ACSL1: variants seen among roughly 807,000 people sequenced by gnomAD.
ACSL1 encodes long-chain-fatty-acid--CoA ligase 1.
ACSL1 carries 41 observed loss-of-function variants against 98.4 expected under a neutral mutation model. The observed-to-expected ratio is 0.42, with a 90% CI of 0.32 to 0.54. The LOEUF is 0.54. Among genes scored for constraint, ACSL1 ranks in the 20% least tolerant of loss-of-function variants. ACSL1 has a pLI of 0.13. For synonymous variants in ACSL1, 316 were observed against 322.7 expected (o/e 0.98, Z 0.22); for missense variants, 734 against 883.1 (o/e 0.83, Z 2.14).
Position 184,766,483 on chromosome 4 carries a change from TA to T in ACSL1, c.1263+138del. On this transcript the variant is annotated intron_variant, in intron 13 of 20. Transcript: ENST00000281455. The surrounding 1 kb of genome is among the most constrained non-coding windows in gnomAD (Gnocchi z 4.8). ...TCCTTAATGGCTTTGCCTTAGTTTT[TA>T]AATGTGTGCCAGAATTAACAAAAAC... 1 of 1,250,864 alleles carries T rather than the reference TA, an allele frequency of 8.0e-7. No homozygotes were observed. Among genetic ancestry groups the T allele is most frequent in the South Asian group, 1.5e-5 (1 of 65,462 alleles). The allele number at this position is 1,250,864 out of a possible 1,614,324, so 77.5% of individuals were successfully genotyped here.
In ACSL1 at chr4:184,803,303, C is replaced by G. The variant is rs142926085; in HGVS notation, c.195+17G>C. On this transcript the variant is annotated intron_variant, in intron 2 of 20. Coordinates refer to ENST00000281455, the MANE Select transcript of ACSL1 (RefSeq NM_001995.5). This position sits in a 1 kb window ranked among gnomAD's most constrained non-coding sequence, Gnocchi z 4.8. Reference sequence around the variant, plus strand: ...ATGCGGAGAAAACGCACGAGGCAGGCTGGGCCCTCCACTCACCGCCACTTC... The same window carrying G: ...ATGCGGAGAAAACGCACGAGGCAGGGTGGGCCCTCCACTCACCGCCACTTC... 17,313 of 1,542,858 alleles carry G rather than the reference C, an allele frequency of 0.011. 113 individuals are homozygous for G. Among genetic ancestry groups the G allele is most frequent in the Non-Finnish European group, 0.012 (14,164 of 1,141,520 alleles).
At chr4:184,817,802 G>T (rs1345315664) in intron 1 of ACSL1, among the ~76,000 whole-genome samples, 2 of 152,152 alleles carry the variant, frequency 1.3e-5, no homozygotes, top group Non-Finnish European at 2.9e-5. Flanking sequence ...TGAAGAGACT[G>T]AGCCGGCCTC....
chr4:184,810,807 T>C (rs1771983448), intron 1 of ACSL1, among the ~76,000 whole-genome samples: 1 of 152,182 alleles, frequency 6.6e-6, no homozygotes, highest in South Asian at 2.1e-4. Flanking sequence ...GCCACTGTGC[T>C]TAAGCACTTG....
intron 2 of ACSL1, among the ~76,000 whole-genome samples, chr4:184,799,987 A>G (rs1034277822): frequency 6.6e-6 from 1 of 152,158 alleles, no homozygotes; most frequent in Non-Finnish European, 1.5e-5. Context: ...TATAATATAC[A>G]ACTTTCTACT....
At position 184,773,569 on chromosome 4, in the gene ACSL1, G is replaced by A. The variant is rs758854045; in HGVS notation, c.841+94C>T. The A allele has an allele frequency of 3.1e-5, 38 of 1,215,018 alleles. No individual in the cohort carries two copies. The highest frequency in any genetic ancestry group is 1.8e-4 in the South Asian group (13 of 70,530). The allele number at this position is 1,215,018 out of a possible 1,614,324, so 75.3% of individuals were successfully genotyped here. ...CTTCCTTCTCTTCTGCTTTTGGTCC[G>A]TCTACTGTTAGCTGATAAGTCATCC... is the stretch of plus-strand genomic sequence containing the variant. On this transcript the variant is annotated intron_variant, in intron 9 of 20. Coordinates refer to ENST00000281455, the MANE Select transcript of ACSL1 (RefSeq NM_001995.5). The surrounding 1 kb of genome is among the most constrained non-coding windows in gnomAD (Gnocchi z 4.3).
At chr4:184,776,774 G>A (rs914565086) in intron 6 of ACSL1, 110 bp downstream of exon 6, 1 of 1,481,294 alleles carries the variant, frequency 6.8e-7, no homozygotes, top group Non-Finnish European at 9.2e-7. Context: ...TAAAAAGGTA[G>A]ATATATATTT....
chr4:184,786,578 T>C (rs1579903340), intron 3 of ACSL1, among the ~76,000 whole-genome samples: 1 of 152,298 alleles, frequency 6.6e-6, no homozygotes, highest in East Asian at 1.9e-4. Flanking sequence ...ACAAGTAAGC[T>C]TGCTTTTCCT....
intron 4 of ACSL1, among the ~76,000 whole-genome samples, chr4:184,781,448 T>C (rs762277773): frequency 6.6e-6 from 1 of 152,000 alleles, no homozygotes; most frequent in Non-Finnish European, 1.5e-5. Flanking sequence ...CATGTAAATA[T>C]AAAAATGCAT....
chr4:184,777,025 A>C, intron 5 of ACSL1, 42 bp from the exon 6 acceptor site: 1 of 1,528,942 alleles, frequency 6.5e-7, no homozygotes, highest in Non-Finnish European at 9.1e-7. Flanking sequence ...ACAGGATGTC[A>C]TCATGTAATC....
chr4:184,812,684 C>T (rs1005955722), intron 1 of ACSL1, among the ~76,000 whole-genome samples: 6 of 152,152 alleles, frequency 3.9e-5, no homozygotes, highest in Admixed American at 1.3e-4. Context: ...CGCTGAGATA[C>T]AGTGAGATTT....
intron 2 of ACSL1, among the ~76,000 whole-genome samples, chr4:184,800,101 TA>T (rs1237422954): frequency 6.6e-6 from 1 of 152,182 alleles, no homozygotes; most frequent in Non-Finnish European, 1.5e-5. Context: ...ATATGAAGAT[TA>T]AAAGACAAAG....
intron 5 of ACSL1, among the ~76,000 whole-genome samples, chr4:184,778,586 G>A (rs939810512): frequency 4.6e-5 from 7 of 152,040 alleles, no homozygotes; most frequent in Non-Finnish European, 5.9e-5. Context: ...TCTGCCCTGC[G>A]CCCACACTTA....
intron 4 of ACSL1, 46 bp downstream of exon 4, chr4:184,783,881 C>T: frequency 5.8e-6 from 9 of 1,545,272 alleles, no homozygotes; most frequent in South Asian, 1.1e-5. Flanking sequence ...CAGAAGCACC[C>T]CTGCTTGCAA....
chr4:184,814,184 G>A (rs867801146), intron 1 of ACSL1, among the ~76,000 whole-genome samples: 10 of 151,794 alleles, frequency 6.6e-5, no homozygotes, highest in African/African-American at 2.2e-4. Flanking sequence ...CCAGCTACTC[G>A]GGAGGCTGAG....
chr4:184,778,260 C>G (rs1765626350), intron 5 of ACSL1, among the ~76,000 whole-genome samples: 2 of 152,320 alleles, frequency 1.3e-5, no homozygotes, highest in South Asian at 4.1e-4. Flanking sequence ...ACACACAGGA[C>G]AGAAAAAGGC....
intron 1 of ACSL1, among the ~76,000 whole-genome samples, chr4:184,811,941 C>T (rs1348412787): frequency 6.6e-6 from 1 of 152,044 alleles, no homozygotes. Flanking sequence ...TGAAGAGACA[C>T]TGGGAGGAGG....
chr4:184,804,249 G>A (rs1288740724), intron 1 of ACSL1, among the ~76,000 whole-genome samples: 2 of 152,202 alleles, frequency 1.3e-5, no homozygotes, highest in Non-Finnish European at 2.9e-5. Context: ...AGGGAATACA[G>A]CACAGTGTTG....
intron 6 of ACSL1, 106 bp downstream of exon 6, chr4:184,776,778 T>C (rs1765357219): frequency 1.3e-6 from 2 of 1,484,720 alleles, no homozygotes; most frequent in South Asian, 1.2e-5. Flanking sequence ...AAGGTAGATA[T>C]ATATTTACAT....
chr4:184,786,745 G>C (rs1371664264), intron 3 of ACSL1, among the ~76,000 whole-genome samples: 1 of 147,770 alleles, frequency 6.8e-6, no homozygotes, highest in East Asian at 2.0e-4. Context: ...CCAGGCTGGA[G>C]TACAATGGTG....
Sources: allele counts gnomAD v4.1 joint callset (sites outside exome capture counted in the v4.1 genomes callset), GRCh38; gene constraint gnomAD v4.1.1; non-coding constraint Gnocchi (gnomAD v3.1); transcripts MANE v1.5; gene names NCBI Gene and HGNC (gene_info 2026-07-23, HGNC 2026-07-21).